PTPN14: variants seen among roughly 807,000 people sequenced by gnomAD.
The protein encoded by PTPN14 is protein tyrosine phosphatase non-receptor type 14, also known as tyrosine-protein phosphatase non-receptor type 14.
In PTPN14, 53 loss-of-function variants were observed where a neutral mutation model predicts 126.8. That is an observed-to-expected ratio of 0.42 (90% confidence interval 0.34 to 0.53). The LOEUF (loss-of-function observed/expected upper bound fraction) is 0.53. Ranked by LOEUF, PTPN14 falls within the 20% of genes least tolerant of loss-of-function variation. The pLI, the probability that PTPN14 is intolerant of heterozygous loss-of-function variation, is 0.08. For synonymous variants in PTPN14, 630 were observed against 599.3 expected, an observed-to-expected ratio of 1.05 and a Z score of -0.75; for missense variants, 1,257 against 1,552.9, an observed-to-expected ratio of 0.81 and a Z score of 3.20.
At chr1:214,425,805 C>T (rs1247876043) in intron 3 of PTPN14, among the ~76,000 whole-genome samples, 1 of 151,968 alleles carries the variant, frequency 6.6e-6, no homozygotes, top group Non-Finnish European at 1.5e-5. Flanking sequence ...TTTGCATTTG[C>T]GCAGTTGTTT....
At chr1:214,542,210 A>G (rs1222452573) in intron 1 of PTPN14, among the ~76,000 whole-genome samples, 2 of 152,248 alleles carry the variant, frequency 1.3e-5, no homozygotes, top group African/African-American at 4.8e-5. Context: ...GTAAAGGTAT[A>G]AAGAAAATGT....
intron 3 of PTPN14, among the ~76,000 whole-genome samples, chr1:214,447,813 G>A (rs542995190): frequency 2.0e-5 from 3 of 152,206 alleles, no homozygotes; most frequent in South Asian, 4.2e-4. Context: ...TAGTTCCAGC[G>A]CTTAAATCTA....
intron 1 of PTPN14, among the ~76,000 whole-genome samples, chr1:214,526,358 A>C (rs11802057): frequency 9.9e-5 from 15 of 152,172 alleles, no homozygotes; most frequent in African/African-American, 3.6e-4. Flanking sequence ...ACATACCAAC[A>C]GTAATTCAAA....
At position 214,356,646 on chromosome 1, in the gene PTPN14, A is replaced by G. The variant is rs1028250870; in HGVS notation, c.*1276T>C. On this transcript the variant is annotated 3_prime_UTR_variant, in exon 19 of 19. Transcript: ENST00000366956. ...ATTTTATGAAGAAAAGGAAAGAAGCACAGGGCTCTGCCAATGACAATTCTA... is the reference window on the plus strand; with the variant it reads ...ATTTTATGAAGAAAAGGAAAGAAGCGCAGGGCTCTGCCAATGACAATTCTA... 2.6e-5 allele frequency: 4 copies of G among 152,254 alleles called. No individual in the cohort carries two copies. The highest frequency in any genetic ancestry group is 9.6e-5 in the African/African-American group (4 of 41,474). 9.4% of individuals were successfully genotyped at this position (152,254 alleles called of 1,614,324 possible).
chr1:214,531,483 C>T (rs1234873973), intron 1 of PTPN14: 1 of 148,152 alleles, frequency 6.7e-6, no homozygotes, highest in Admixed American at 6.9e-5. Context: ...CAAAACCCAT[C>T]TCTACAACCC....
intron 2 of PTPN14, among the ~76,000 whole-genome samples, chr1:214,455,616 C>G (rs4259615): frequency 0.38 from 57,447 of 151,646 alleles, 11,113 homozygotes; most frequent in East Asian, 0.52. Context: ...AGTCCTCAGA[C>G]ACAAGAACCA....
chr1:214,516,091 C>A (rs1440167171), intron 1 of PTPN14, among the ~76,000 whole-genome samples: 3 of 152,166 alleles, frequency 2.0e-5, no homozygotes, highest in East Asian at 1.9e-4. Flanking sequence ...CCACCTCACC[C>A]CAGAGGAGCT....
intron 9 of PTPN14, among the ~76,000 whole-genome samples, chr1:214,394,027 G>A (rs545514167): frequency 9.2e-5 from 14 of 152,306 alleles, no homozygotes; most frequent in African/African-American, 3.4e-4. Context: ...GGGTTACACT[G>A]ATGAACCAGC....
chr1:214,505,692 T>C (rs1276786851), intron 1 of PTPN14, among the ~76,000 whole-genome samples: 3 of 152,136 alleles, frequency 2.0e-5, no homozygotes, highest in African/African-American at 7.2e-5. Flanking sequence ...ATTCAGAAAT[T>C]TGAGACATGC....
chr1:214,550,124 CA>C (rs1266034871), intron 1 of PTPN14, among the ~76,000 whole-genome samples: 2 of 152,348 alleles, frequency 1.3e-5, no homozygotes, highest in Admixed American at 1.3e-4. Context: ...CATGTATTAT[CA>C]TTCTTCACCG....
At chr1:214,424,839 G>C (rs562660715) in intron 3 of PTPN14, among the ~76,000 whole-genome samples, 5 of 151,926 alleles carry the variant, frequency 3.3e-5, no homozygotes, top group Admixed American at 3.3e-4. Context: ...GTGAGACACC[G>C]TGCCCGGCCC....
At chr1:214,509,719 C>T (rs901207102) in intron 1 of PTPN14, among the ~76,000 whole-genome samples, 1 of 152,168 alleles carries the variant, frequency 6.6e-6, no homozygotes, top group Non-Finnish European at 1.5e-5. Context: ...TTCACAATAG[C>T]AAAGACTTGG....
chr1:214,402,797 T>C, intron 6 of PTPN14, 86 bp downstream of exon 6: 1 of 1,447,892 alleles, frequency 6.9e-7, no homozygotes, highest in African/African-American at 1.4e-5. Flanking sequence ...AAGCCCAGAG[T>C]TGCTGATAGG....
chr1:214,402,649 G>T (rs537775796), intron 6 of PTPN14, among the ~76,000 whole-genome samples: 8 of 93,426 alleles, frequency 8.6e-5, no homozygotes, highest in Non-Finnish European at 1.8e-4. Flanking sequence ...AAGGAAGGAA[G>T]GAAGGAAGGA....
At position 214,350,490 on chromosome 1, in the gene PTPN14, G is replaced by A. The variant is rs1218303557; in HGVS notation, c.*7432C>T. 1 of 145,782 alleles carries A rather than the reference G, an allele frequency of 6.9e-6. No homozygotes were observed. Among genetic ancestry groups the A allele is most frequent in the Non-Finnish European group, 1.5e-5 (1 of 66,440 alleles). 9.0% of individuals were successfully genotyped at this position (145,782 alleles called of 1,614,324 possible). The stretch of plus-strand genomic sequence containing the variant: ...AGAAAGGGAGCTTCCTGCTTGCTGA[G>A]TTTTCTAGCTATTTTCATTCTGGTT... On this transcript the variant is annotated 3_prime_UTR_variant, in exon 19 of 19. Transcript: ENST00000366956.
At chr1:214,426,765 G>A (rs1343429906) in intron 3 of PTPN14, among the ~76,000 whole-genome samples, 1 of 152,114 alleles carries the variant, frequency 6.6e-6, no homozygotes, top group East Asian at 1.9e-4. Context: ...CAGAATAGGA[G>A]CGCATTAAAT....
At chr1:214,392,220 A>G (rs1462648271) in intron 10 of PTPN14, among the ~76,000 whole-genome samples, 1 of 152,080 alleles carries the variant, frequency 6.6e-6, no homozygotes, top group Non-Finnish European at 1.5e-5. Context: ...GAGAGAGAGT[A>G]TAATTTTGAG....
At chr1:214,444,728 C>A (rs755464062) in intron 3 of PTPN14, among the ~76,000 whole-genome samples, 2 of 152,104 alleles carry the variant, frequency 1.3e-5, no homozygotes, top group African/African-American at 2.4e-5. Flanking sequence ...CACACACATG[C>A]ACACACACAG....
At chr1:214,478,189 G>A (rs551550677) in intron 1 of PTPN14, among the ~76,000 whole-genome samples, 23 of 152,248 alleles carry the variant, frequency 1.5e-4, no homozygotes, top group Admixed American at 1.0e-3. Flanking sequence ...TGCATTCAAC[G>A]TCATTTGTAG....
Sources: allele counts gnomAD v4.1 joint callset (sites outside exome capture counted in the v4.1 genomes callset), GRCh38; gene constraint gnomAD v4.1.1; transcripts MANE v1.5; gene names NCBI Gene and HGNC (gene_info 2026-07-23, HGNC 2026-07-21).